Variants in CHRNA2 observed in about 807,000 individuals in gnomAD.
The protein encoded by CHRNA2 is cholinergic receptor nicotinic alpha 2 subunit, also known as neuronal acetylcholine receptor subunit alpha-2.
In CHRNA2, 40 loss-of-function variants were observed where a neutral mutation model predicts 45.5. The observed-to-expected ratio is 0.88, with a 90% CI of 0.68 to 1.15. The LOEUF (loss-of-function observed/expected upper bound fraction) is 1.15, where lower values mean the gene tolerates loss of function less well. Among genes scored for constraint, CHRNA2 ranks in the 50% most tolerant of loss-of-function variants. The pLI, the probability that CHRNA2 is intolerant of heterozygous loss-of-function variation, is 0.00. For synonymous variants in CHRNA2, 301 were observed against 296.7 expected, an observed-to-expected ratio of 1.01 and a Z score of -0.15; for missense variants, 655 against 701.7, an observed-to-expected ratio of 0.93 and a Z score of 0.75.
chr8:27,461,481 A>G lies in CHRNA2; in HGVS notation c.*148T>C, dbSNP rs1022931614. On this transcript the variant is annotated 3_prime_UTR_variant, in exon 7 of 7. Transcript: ENST00000407991. ...CCCTGGTACAATAACGTTAAGCTGG[A>G]TGGAAGCCTGCAATCCCTGGGTCAG... 1.8e-6 allele frequency: 2 copies of G among 1,117,836 alleles called. No homozygotes were observed. The highest frequency in any genetic ancestry group is 4.9e-5 in the East Asian group (2 of 40,922). The allele number at this position is 1,117,836 out of a possible 1,614,324, so 69.2% of individuals were successfully genotyped here. A position where few individuals can be genotyped will look rare whatever the true frequency, so the allele number is the denominator to read the frequency against.
chr8:27,462,623 GA>G (rs1201658993), intron 6 of CHRNA2, among the ~76,000 whole-genome samples: 1 of 152,214 alleles, frequency 6.6e-6, no homozygotes, highest in African/African-American at 2.4e-5. Context: ...GGTCTCTCCT[GA>G]AATGCTCCCC....
At chr8:27,469,046 G>T (rs1445536701) in intron 4 of CHRNA2, among the ~76,000 whole-genome samples, 2 of 152,192 alleles carry the variant, frequency 1.3e-5, no homozygotes, top group Admixed American at 1.3e-4. Context: ...CTTTGGGGAG[G>T]ATTCCGAAGT....
At chr8:27,477,664 G>C (rs568018540) in intron 1 of CHRNA2, among the ~76,000 whole-genome samples, 1 of 152,020 alleles carries the variant, frequency 6.6e-6, no homozygotes, top group Admixed American at 6.5e-5. Flanking sequence ...ACAGTAATTA[G>C]AGGGAACTTC....
intron 5 of CHRNA2, 112 bp from the exon 6 acceptor site, chr8:27,464,105 A>C: frequency 8.2e-7 from 1 of 1,224,624 alleles, no homozygotes; most frequent in East Asian, 2.5e-5. Context: ...ACCCGGCCAC[A>C]CTGGCGGGGT....
intron 4 of CHRNA2, 64 bp downstream of exon 4, chr8:27,469,271 G>A: frequency 6.8e-7 from 1 of 1,470,666 alleles, no homozygotes; most frequent in Non-Finnish European, 9.3e-7. Context: ...AGAAGTCCTG[G>A]AGGGGTCTGG....
At position 27,461,295 on chromosome 8, in the gene CHRNA2, A is replaced by C. The variant is rs1812476068; in HGVS notation, c.*334T>G. On this transcript the variant is annotated 3_prime_UTR_variant, in exon 7 of 7. Transcript: ENST00000407991. ...TTCCCTTCCTCGTCACCCTGGCCCC[A>C]CTGTCCCCCTGGTTGACCCTTCTGT... The C allele has an allele frequency of 6.0e-6, 2 of 331,930 alleles. No homozygotes were observed. The highest frequency in any genetic ancestry group is 1.2e-5 in the Non-Finnish European group (2 of 173,538). 20.6% of individuals were successfully genotyped at this position (331,930 alleles called of 1,614,324 possible). A position where few individuals can be genotyped will look rare whatever the true frequency, so the allele number is the denominator to read the frequency against.
rs773843338 is a variant in CHRNA2, at chr8:27,463,239, G to A, written c.1204C>T (p.His402Tyr). 1 of 1,595,338 alleles carries A rather than the reference G, an allele frequency of 6.3e-7. No individual in the cohort carries two copies. Among genetic ancestry groups the A allele is most frequent in the Non-Finnish European group, 8.6e-7 (1 of 1,168,140 alleles). The change falls in exon 6 of 7, where the codon CAC becomes TAC. Residue 402 changes from histidine to tyrosine, a missense_variant. Around this residue, in one of 3 missense-constraint regions of CHRNA2, gnomAD observed 295 missense variants for 280.4 expected, o/e 1.05. Coordinates refer to ENST00000407991, the MANE Select transcript of CHRNA2 (RefSeq NM_000742.4). The surrounding 1 kb of genome is among the most constrained non-coding windows in gnomAD (Gnocchi z 6.1). Reference sequence around the variant, plus strand: ...GCATCCACGTTGCTCTCCAGCCAGTGATAAGAGGGGCTGAGCTTCAGGCGT... The same window carrying A: ...GCATCCACGTTGCTCTCCAGCCAGTAATAAGAGGGGCTGAGCTTCAGGCGT... Reference protein sequence around the residue: ...PLRLKLSPSYHWLESNVDAEE... With the variant: ...PLRLKLSPSYYWLESNVDAEE...
chr8:27,474,357 G>A (rs562345168), intron 1 of CHRNA2, among the ~76,000 whole-genome samples: 2 of 152,190 alleles, frequency 1.3e-5, no homozygotes, highest in Non-Finnish European at 2.9e-5. Context: ...TGAAAATAGA[G>A]GATTACATTT....
intron 1 of CHRNA2, among the ~76,000 whole-genome samples, chr8:27,474,346 T>C (rs941402497): frequency 1.5e-4 from 23 of 152,220 alleles, no homozygotes; most frequent in African/African-American, 5.3e-4. Context: ...CAAAGACTTG[T>C]TGAAAATAGA....
intron 1 of CHRNA2, among the ~76,000 whole-genome samples, chr8:27,473,516 A>G (rs1196959384): frequency 2.3e-5 from 3 of 133,308 alleles, no homozygotes; most frequent in Non-Finnish European, 4.7e-5. Flanking sequence ...CCTGGGCAAC[A>G]TAGTGAGACC....
At chr8:27,473,535 C>CT (rs60439689) in intron 1 of CHRNA2, among the ~76,000 whole-genome samples, 1 of 138,264 alleles carries the variant, frequency 7.2e-6, no homozygotes, top group Non-Finnish European at 1.6e-5. Flanking sequence ...CCCCCCCCGC[C>CT]GTCTCTACAA....
intron 6 of CHRNA2, 65 bp downstream of exon 6, chr8:27,462,914 T>C (rs1586388330): frequency 1.2e-6 from 2 of 1,603,778 alleles, no homozygotes; most frequent in East Asian, 4.5e-5. Context: ...CACTCTGCGG[T>C]AAGGTGGTTC....
chr8:27,463,255 C>A lies in CHRNA2; in HGVS notation c.1188G>T (p.Lys396Asn). 6.3e-7 allele frequency: 1 copy of A among 1,599,880 alleles called. No homozygotes were observed. ...CCAGCCAGTGATAAGAGGGGCTGAG[C>A]TTCAGGCGTAGGGGGTGGCAGAGCT... The part of the protein sequence containing the change: ...PVELCHPLRL[K>N]LSPSYHWLES... Residue 396 changes from lysine (K) to asparagine (N), a missense_variant, in exon 6 of 7, where the codon AAG becomes AAT. Lys to Asn is a moderately conservative substitution (Grantham distance 94). Transcript: ENST00000407991. The surrounding 1 kb of genome is among the most constrained non-coding windows in gnomAD (Gnocchi z 6.1).
At chr8:27,462,225 T>G (rs1289131427) in intron 6 of CHRNA2, among the ~76,000 whole-genome samples, 2 of 151,400 alleles carry the variant, frequency 1.3e-5, no homozygotes, top group African/African-American at 4.9e-5. Context: ...GGCGGGGGCT[T>G]TGTAGAACTT....
At chr8:27,470,911 G>C (rs1175695707) in intron 2 of CHRNA2, 75 bp downstream of exon 2, 2 of 1,485,562 alleles carry the variant, frequency 1.3e-6, no homozygotes, top group Admixed American at 1.7e-5. Context: ...ACATCCACCT[G>C]CAGACTCCTT....
At chr8:27,467,663 C>A in intron 4 of CHRNA2, 1 of 341,188 alleles carries the variant, frequency 2.9e-6, no homozygotes, top group Non-Finnish European at 5.5e-6. Flanking sequence ...AGTGAAATCT[C>A]TCATTTTTAG....
chr8:27,461,483 G>A lies in CHRNA2; in HGVS notation c.*146C>T, dbSNP rs535402948. ...CTGGTACAATAACGTTAAGCTGGAT[G>A]GAAGCCTGCAATCCCTGGGTCAGTG... is the stretch of plus-strand genomic sequence containing the variant. On this transcript the variant is annotated 3_prime_UTR_variant, in exon 7 of 7. Coordinates refer to ENST00000407991, the MANE Select transcript of CHRNA2 (RefSeq NM_000742.4). 20 of 1,127,282 alleles carry A rather than the reference G, an allele frequency of 1.8e-5. No individual in the cohort carries two copies. In the East Asian group the frequency reaches 4.1e-4, roughly 23 times the overall value. The allele number at this position is 1,127,282 out of a possible 1,614,324, so 69.8% of individuals were successfully genotyped here.
Position 27,461,352 on chromosome 8 carries a change from A to C in CHRNA2, c.*277T>G. 1 of 483,358 alleles carries C rather than the reference A, an allele frequency of 2.1e-6. No individual in the cohort carries two copies. The allele number at this position is 483,358 out of a possible 1,614,324, so 29.9% of individuals were successfully genotyped here. Reference sequence around the variant, plus strand: ...GGGTCTGCACTGCTCCTCCAGGAGAATCTTACTCTGCCCCACTTGGTCACC... The same window carrying C: ...GGGTCTGCACTGCTCCTCCAGGAGACTCTTACTCTGCCCCACTTGGTCACC... On this transcript the variant is annotated 3_prime_UTR_variant, in exon 7 of 7. Coordinates refer to ENST00000407991, the MANE Select transcript of CHRNA2 (RefSeq NM_000742.4).
At position 27,463,153 on chromosome 8, in the gene CHRNA2, G is replaced by A; in HGVS notation, c.1290C>T (p.Ala430=). Residue 430 remains alanine, a synonymous_variant, in exon 6 of 7, where the codon GCC becomes GCT. Transcript: ENST00000407991. This position sits in a 1 kb window ranked among gnomAD's most constrained non-coding sequence, Gnocchi z 6.1. ...GGCTGCAGAGGGTGCCCACAGAGGG[G>A]GCCACATGACCTGCACATGCCCATC... ...EDRWACAGHV[A]PSVGTLCSHG... 1.2e-6 allele frequency: 2 copies of A among 1,601,754 alleles called. No individual in the cohort carries two copies. The highest frequency in any genetic ancestry group is 1.1e-5 in the South Asian group (1 of 90,396).
Sources: gnomAD v4.1 joint callset for allele counts (sites outside exome capture counted in the v4.1 genomes callset) on GRCh38, gnomAD v4.1.1 for gene constraint, gnomAD v4.1.1 regional missense constraint, Gnocchi (gnomAD v3.1) non-coding constraint, MANE v1.5 for transcripts, NCBI Gene and HGNC (gene_info 2026-07-23, HGNC 2026-07-21) for gene names.